Variants in G2E3 observed in about 807,000 individuals in gnomAD.
G2E3 encodes G2/M-phase specific E3 ubiquitin protein ligase.
G2E3 carries 35 observed loss-of-function variants against 92.8 expected under a neutral mutation model. The ratio of observed to expected loss-of-function variants is 0.38; its 90% confidence interval spans 0.29 to 0.50. G2E3 has a LOEUF of 0.50. Ranked by LOEUF, G2E3 falls within the 20% of genes least tolerant of loss-of-function variation. The pLI is 0.94. For missense variants in G2E3, 554 were observed against 823.8 expected, an observed-to-expected ratio of 0.67 and a Z score of 4.01; for synonymous variants, 242 against 272.4, an observed-to-expected ratio of 0.89 and a Z score of 1.10.
At chr14:30,593,295 C>T (rs1881110942) in intron 5 of G2E3, among the ~76,000 whole-genome samples, 179 bp from the exon 6 acceptor site, 1 of 152,068 alleles carries the variant, frequency 6.6e-6, no homozygotes, top group African/African-American at 2.4e-5. Flanking sequence ...TTCGAAGGTC[C>T]AGCTCTCTCC....
At chr14:30,567,683 G>C (rs112042769) in intron 1 of G2E3, among the ~76,000 whole-genome samples, 4,220 of 151,560 alleles carry the variant, frequency 0.028, 265 homozygotes, top group Admixed American at 0.16. Flanking sequence ...GCTAGCTTTG[G>C]GTTTAGTTTG....
chr14:30,606,286 A>G (rs891673209), intron 11 of G2E3, among the ~76,000 whole-genome samples: 3 of 151,560 alleles, frequency 2.0e-5, no homozygotes, highest in Non-Finnish European at 2.9e-5. Flanking sequence ...TGTCTTCACT[A>G]TTGGTGAGAA....
At chr14:30,573,033 A>G (rs902510174) in intron 1 of G2E3, among the ~76,000 whole-genome samples, 11 of 151,854 alleles carry the variant, frequency 7.2e-5, no homozygotes, top group Admixed American at 1.3e-4. Context: ...AGGTCTCACT[A>G]TGTTGCTCAA....
intron 2 of G2E3, 114 bp downstream of exon 2, chr14:30,581,230 A>G (rs1880413990): frequency 1.5e-6 from 1 of 667,916 alleles, no homozygotes; most frequent in African/African-American, 1.8e-5. Context: ...TTGTATGTCC[A>G]CATACTAAAG....
intron 1 of G2E3, among the ~76,000 whole-genome samples, chr14:30,569,532 C>G (rs1368846471): frequency 1.3e-5 from 2 of 152,098 alleles, no homozygotes; most frequent in African/African-American, 2.4e-5. Context: ...ATAATTAAGG[C>G]CTTATTTTTT....
chr14:30,616,167 C>T (rs1882304066), intron 14 of G2E3, 111 bp from the exon 15 acceptor site: 1 of 718,470 alleles, frequency 1.4e-6, no homozygotes, highest in Non-Finnish European at 2.4e-6. Context: ...ATGTGGGAGT[C>T]TGTGCCTTTC....
intron 4 of G2E3, chr14:30,590,875 T>G (rs1594488725): frequency 3.1e-6 from 1 of 319,028 alleles, no homozygotes; most frequent in African/African-American, 2.2e-5. Context: ...ATATCCCTTA[T>G]CCAAAATGCT....
At chr14:30,600,270 C>T (rs1052576945) in intron 8 of G2E3, among the ~76,000 whole-genome samples, 1 of 152,168 alleles carries the variant, frequency 6.6e-6, no homozygotes, top group Non-Finnish European at 1.5e-5. Flanking sequence ...CTGTTAGCAG[C>T]TCTCCTCATT....
intron 8 of G2E3, among the ~76,000 whole-genome samples, chr14:30,600,835 T>C (rs1460196689): frequency 6.6e-6 from 1 of 152,252 alleles, no homozygotes; most frequent in Non-Finnish European, 1.5e-5. Flanking sequence ...GGACAAGTTA[T>C]TGACCCCTCT....
chr14:30,573,952 GGGA>G (rs1167303312), intron 1 of G2E3, among the ~76,000 whole-genome samples: 1 of 152,044 alleles, frequency 6.6e-6, no homozygotes, highest in East Asian at 1.9e-4. Context: ...TGAATTTTTT[GGGA>G]ATGTTTTATA....
chr14:30,592,446 G>A lies in G2E3; in HGVS notation c.361G>A (p.Ala121Thr). The part of the protein sequence containing the change: ...ECIFQFTGNF[A>T]SFCWDHRPVQ... ...TATTTTCCAGTTTACTGGCAATTTTGCGTGAGTTATTTAACTGTTAAATAT... is the reference window on the plus strand; with the variant it reads ...TATTTTCCAGTTTACTGGCAATTTTACGTGAGTTATTTAACTGTTAAATAT... The change falls in exon 5 of 15, where the codon GCG (alanine) becomes ACG (threonine). Residue 121 changes from alanine to threonine, a missense_variant and splice_region_variant. Coordinates refer to ENST00000206595, the MANE Select transcript of G2E3 (RefSeq NM_017769.5). The A allele has an allele frequency of 6.3e-7, 1 of 1,574,956 alleles. No individual in the cohort carries two copies.
intron 10 of G2E3, among the ~76,000 whole-genome samples, chr14:30,604,578 G>A (rs1012740789): frequency 3.3e-5 from 5 of 150,640 alleles, no homozygotes; most frequent in African/African-American, 1.3e-4. Flanking sequence ...CAAGTTCTGG[G>A]GTAATGCTGC....
intron 4 of G2E3, chr14:30,590,835 G>A: frequency 4.6e-6 from 2 of 439,488 alleles, no homozygotes; most frequent in South Asian, 1.6e-5. Context: ...GTCTCTAAAG[G>A]TCCCCTTATG....
chr14:30,608,863 TC>T (rs1305430792), intron 12 of G2E3, among the ~76,000 whole-genome samples: 1 of 152,182 alleles, frequency 6.6e-6, no homozygotes, highest in Non-Finnish European at 1.5e-5. Flanking sequence ...GTGCCTGTAA[TC>T]CCAGCTACTC....
At chr14:30,603,544 G>A (rs1881682317) in intron 10 of G2E3, among the ~76,000 whole-genome samples, 1 of 152,220 alleles carries the variant, frequency 6.6e-6, no homozygotes, top group South Asian at 2.1e-4. Context: ...ATACTTTCTT[G>A]TTAAAAATAA....
intron 6 of G2E3, 58 bp downstream of exon 6, chr14:30,593,697 T>G: frequency 8.4e-7 from 1 of 1,191,044 alleles, no homozygotes; most frequent in African/African-American, 1.5e-5. Context: ...GCTTGCTGAT[T>G]TAAATTTTAA....
chr14:30,592,219 A>G, intron 4 of G2E3, 104 bp from the exon 5 acceptor site: 1 of 1,012,562 alleles, frequency 9.9e-7, no homozygotes, highest in Non-Finnish European at 1.5e-6. Context: ...TACATGATGA[A>G]ATAATTTTCA....
chr14:30,608,733 C>A (rs961527252), intron 12 of G2E3, among the ~76,000 whole-genome samples: 11 of 152,202 alleles, frequency 7.2e-5, no homozygotes, highest in African/African-American at 2.4e-4. Flanking sequence ...ACAATGCAAG[C>A]CATTTAACTT....
chr14:30,563,811 C>G lies in G2E3; in HGVS notation c.-5+4539C>G, dbSNP rs574616942. On this transcript the variant is annotated intron_variant, in intron 1 of 14. Coordinates refer to ENST00000206595, the MANE Select transcript of G2E3 (RefSeq NM_017769.5). The stretch of plus-strand genomic sequence containing the variant: ...CTTGACTCACTGCAACCTCCGCCTT[C>G]CCGGTTCCAGTGATTCTCCTGCCTC... 1.7e-4 allele frequency among the ~76,000 whole-genome samples: 26 copies of G among 151,890 alleles called. No individual in the cohort carries two copies. In the South Asian group the frequency reaches 2.5e-3, roughly 15 times the overall value.
Sources: allele counts gnomAD v4.1 joint callset (sites outside exome capture counted in the v4.1 genomes callset), GRCh38; gene constraint gnomAD v4.1.1; transcripts MANE v1.5; gene names NCBI Gene and HGNC (gene_info 2026-07-23, HGNC 2026-07-21).